The following PRORP variants were observed in gnomAD, a reference collection of about 807,000 sequenced individuals.
The protein encoded by PRORP is mitochondrial ribonuclease P catalytic subunit.
In PRORP, 51 loss-of-function variants were observed where a neutral mutation model predicts 59.4. The observed-to-expected ratio is 0.86, with a 90% CI of 0.69 to 1.08. The LOEUF (loss-of-function observed/expected upper bound fraction) is 1.08, where lower values mean the gene tolerates loss of function less well. PRORP is among the 50% of genes least tolerant of loss of function. The pLI, the probability that PRORP is intolerant of heterozygous loss-of-function variation, is 0.00. For synonymous variants in PRORP, 231 were observed against 245.6 expected, an observed-to-expected ratio of 0.94 and a Z score of 0.55; for missense variants, 646 against 690.3, an observed-to-expected ratio of 0.94 and a Z score of 0.72.
chr14:35,202,417 A>AT (rs1307835522), intron 5 of PRORP, among the ~76,000 whole-genome samples: 1 of 151,598 alleles, frequency 6.6e-6, no homozygotes, highest in Non-Finnish European at 1.5e-5. Context: ...TCACCTTATG[A>AT]TTTTTTTTCA....
intron 6 of PRORP, among the ~76,000 whole-genome samples, chr14:35,269,576 C>T (rs1005801931): frequency 3.3e-5 from 5 of 152,138 alleles, no homozygotes; most frequent in African/African-American, 7.2e-5. Context: ...AACTGTCACC[C>T]GGCTCCAACA....
chr14:35,126,663 A>G lies in PRORP; in HGVS notation c.987-72A>G, dbSNP rs1412651814. ...GACTTCTTGCTTATAAGAGTTTCCA[A>G]ATACCATGAATATCTTTCATTTCAG... On this transcript the variant is annotated intron_variant, in intron 2 of 7. Transcript: ENST00000534898. 5.9e-6 allele frequency: 7 copies of G among 1,186,644 alleles called. No individual in the cohort carries two copies. In the South Asian group the frequency reaches 6.8e-5, roughly 12 times the overall value. 73.5% of individuals were successfully genotyped at this position (1,186,644 alleles called of 1,614,324 possible). A position where few individuals can be genotyped will look rare whatever the true frequency, so the allele number is the denominator to read the frequency against.
At chr14:35,179,183 TC>T (rs2048533772) in intron 4 of PRORP, among the ~76,000 whole-genome samples, 1 of 152,250 alleles carries the variant, frequency 6.6e-6, no homozygotes, top group Admixed American at 6.5e-5. Flanking sequence ...ATTTTTTCCT[TC>T]ATTTCAACTT....
chr14:35,138,713 A>G (rs2047423361), intron 4 of PRORP, among the ~76,000 whole-genome samples: 1 of 145,582 alleles, frequency 6.9e-6, no homozygotes, highest in Non-Finnish European at 1.5e-5. Context: ...CCTCTAATGT[A>G]GCGGCTTTCA....
At chr14:35,222,621 A>C (rs924788201) in intron 5 of PRORP, 1 of 152,266 alleles carries the variant, frequency 6.6e-6, no homozygotes, top group Non-Finnish European at 1.5e-5. Context: ...GGCTACTGCC[A>C]AAACCATAAT....
chr14:35,134,295 C>T (rs1285119168), intron 4 of PRORP, among the ~76,000 whole-genome samples: 2 of 152,202 alleles, frequency 1.3e-5, no homozygotes, highest in Non-Finnish European at 2.9e-5. Flanking sequence ...GCCAGGCTCC[C>T]ACTGATGTTC....
At chr14:35,220,308 C>A (rs1156315639) in intron 5 of PRORP, among the ~76,000 whole-genome samples, 2 of 152,124 alleles carry the variant, frequency 1.3e-5, no homozygotes, top group Non-Finnish European at 2.9e-5. Flanking sequence ...ATGAACAACT[C>A]TAAAGGTTAA....
chr14:35,234,279 A>G lies in PRORP; in HGVS notation c.1276-32448A>G, dbSNP rs377131086. Among the ~76,000 whole-genome samples, 23 of 152,364 alleles carry G rather than the reference A, an allele frequency of 1.5e-4. No homozygotes were observed. The East Asian group carries it at 3.5e-3, about 23-fold the overall frequency. The stretch of plus-strand genomic sequence containing the variant: ...CAGATTCTGTAGCCGTGTGTTTCAC[A>G]TTCATTAACAATTAGGCCCAAGGAT... On this transcript the variant is annotated intron_variant, in intron 5 of 7. Coordinates refer to ENST00000534898, the MANE Select transcript of PRORP (RefSeq NM_014672.4).
chr14:35,263,865 G>A (rs1478203023), intron 5 of PRORP, among the ~76,000 whole-genome samples: 1 of 152,074 alleles, frequency 6.6e-6, no homozygotes, highest in African/African-American at 2.4e-5. Context: ...TATTTTACTA[G>A]TTGTAAATCT....
intron 5 of PRORP, among the ~76,000 whole-genome samples, chr14:35,185,223 G>A (rs1391851058): frequency 6.6e-6 from 1 of 152,076 alleles, no homozygotes; most frequent in Non-Finnish European, 1.5e-5. Context: ...ATTCTGACTG[G>A]TGTGAAATGG....
At chr14:35,228,043 T>C (rs111913653) in intron 5 of PRORP, among the ~76,000 whole-genome samples, 3,849 of 152,254 alleles carry the variant, frequency 0.025, 60 homozygotes, top group South Asian at 0.062. Context: ...CTTGGGAGGC[T>C]GAGGCAGAAG....
At chr14:35,151,439 G>T (rs140126322) in intron 4 of PRORP, among the ~76,000 whole-genome samples, 18 of 152,118 alleles carry the variant, frequency 1.2e-4, no homozygotes, top group Admixed American at 7.9e-4. Context: ...CCAAACTCCC[G>T]ATCTTTATAC....
chr14:35,176,673 C>A (rs762670338), intron 4 of PRORP, among the ~76,000 whole-genome samples: 11 of 152,166 alleles, frequency 7.2e-5, no homozygotes, highest in Admixed American at 2.0e-4. Context: ...AATATACGAT[C>A]ATGTCATCTG....
chr14:35,203,936 C>T (rs1208020665), intron 5 of PRORP, among the ~76,000 whole-genome samples: 1 of 152,138 alleles, frequency 6.6e-6, no homozygotes, highest in Non-Finnish European at 1.5e-5. Flanking sequence ...AAAAATTCTC[C>T]TTTGAAGATA....
chr14:35,220,377 A>G (rs2049739942), intron 5 of PRORP, among the ~76,000 whole-genome samples: 1 of 152,232 alleles, frequency 6.6e-6, no homozygotes, highest in African/African-American at 2.4e-5. Flanking sequence ...AACACATTCT[A>G]GATCTCTCCT....
chr14:35,185,449 A>C (rs897316134), intron 5 of PRORP, among the ~76,000 whole-genome samples: 2 of 152,188 alleles, frequency 1.3e-5, no homozygotes, highest in African/African-American at 4.8e-5. Flanking sequence ...ACAATGTAAT[A>C]AAAGACAGTG....
At chr14:35,130,187 T>C (rs186865516) in intron 4 of PRORP, among the ~76,000 whole-genome samples, 1 of 151,950 alleles carries the variant, frequency 6.6e-6, no homozygotes, top group African/African-American at 2.4e-5. Context: ...CCCGCCACCA[T>C]GCCCGGCTAA....
intron 5 of PRORP, among the ~76,000 whole-genome samples, chr14:35,255,226 C>T (rs1467338550): frequency 1.3e-5 from 2 of 152,122 alleles, no homozygotes; most frequent in East Asian, 1.9e-4. Context: ...CTCCTGGGTT[C>T]GAGCAATTCT....
At chr14:35,239,910 A>T (rs1043179458) in intron 5 of PRORP, among the ~76,000 whole-genome samples, 1 of 152,120 alleles carries the variant, frequency 6.6e-6, no homozygotes, top group African/African-American at 2.4e-5. Context: ...CCTTGTCTCT[A>T]CTAAAAATAC....
Sources: allele counts gnomAD v4.1 joint callset (sites outside exome capture counted in the v4.1 genomes callset), GRCh38; gene constraint gnomAD v4.1.1; transcripts MANE v1.5; gene names NCBI Gene and HGNC (gene_info 2026-07-23, HGNC 2026-07-21).